Variants in MBTPS1 observed in about 807,000 individuals in gnomAD.
MBTPS1 encodes the protein membrane-bound transcription factor site-1 protease.
MBTPS1 carries 94 observed loss-of-function variants against 127.8 expected under a neutral mutation model. The ratio of observed to expected loss-of-function variants is 0.74; its 90% CI spans 0.62 to 0.87. The LOEUF (loss-of-function observed/expected upper bound fraction) is 0.87, where lower values mean the gene tolerates loss of function less well. Among genes scored for constraint, MBTPS1 ranks in the 40% least tolerant of loss-of-function variants. The pLI is 0.00. For missense variants in MBTPS1, 1,636 were observed against 1,353.2 expected (o/e 1.21, Z -3.28); for synonymous variants, 632 against 509.4 (o/e 1.24, Z -3.24).
At chr16:84,098,284 G>C (rs759418168) in intron 3 of MBTPS1, among the ~76,000 whole-genome samples, 1 of 152,110 alleles carries the variant, frequency 6.6e-6, no homozygotes, top group Non-Finnish European at 1.5e-5. Context: ...AAAACAAAAC[G>C]AAACCCCAGG....
intron 1 of MBTPS1, among the ~76,000 whole-genome samples, chr16:84,104,338 G>C (rs141414638): frequency 6.6e-6 from 1 of 151,960 alleles, no homozygotes; most frequent in Non-Finnish European, 1.5e-5. Flanking sequence ...TTAAAAATTA[G>C]CTAGGCATGG....
chr16:84,076,038 A>G (rs1423838719), intron 11 of MBTPS1, among the ~76,000 whole-genome samples: 1 of 152,228 alleles, frequency 6.6e-6, no homozygotes, highest in Non-Finnish European at 1.5e-5. Flanking sequence ...TAACTAGGAA[A>G]CCATTATTAG....
intron 3 of MBTPS1, among the ~76,000 whole-genome samples, chr16:84,098,753 C>A (rs1161744599): frequency 6.6e-6 from 1 of 152,226 alleles, no homozygotes; most frequent in Non-Finnish European, 1.5e-5. Context: ...TGAGATGAAG[C>A]TGGCGAAAAT....
intron 12 of MBTPS1, 77 bp downstream of exon 12, chr16:84,074,520 A>C: frequency 6.9e-7 from 1 of 1,454,796 alleles, no homozygotes; most frequent in Non-Finnish European, 9.4e-7. Context: ...CTTCAGCAGA[A>C]GTAACTATGG....
intron 11 of MBTPS1, among the ~76,000 whole-genome samples, chr16:84,078,273 C>T (rs1289306848): frequency 2.0e-5 from 3 of 150,370 alleles, no homozygotes; most frequent in African/African-American, 4.9e-5. Context: ...TTACCTGACG[C>T]TCTCAACCCG....
chr16:84,064,872 G>C lies in MBTPS1; in HGVS notation c.2431+818C>G, dbSNP rs1466123666. On this transcript the variant is annotated intron_variant, in intron 18 of 22. Transcript: ENST00000343411. ...AAGTTCTATATTCCAGTTGCAAGTA[G>C]ATAAGGTGAGAAATCCTCTCTTTTC... 4.7e-4 allele frequency among the ~76,000 whole-genome samples: 72 copies of C among 152,206 alleles called. 2 individuals carry two copies. The highest frequency in any genetic ancestry group is 4.6e-3 in the Admixed American group (71 of 15,284).
At chr16:84,087,273 C>A in intron 9 of MBTPS1, 85 bp downstream of exon 9, 1 of 1,027,542 alleles carries the variant, frequency 9.7e-7, no homozygotes, top group South Asian at 1.3e-5. Flanking sequence ...CTTACAAATA[C>A]ACCCCAAGGC....
chr16:84,068,123 G>A (rs1053705825), intron 15 of MBTPS1, among the ~76,000 whole-genome samples: 3 of 152,242 alleles, frequency 2.0e-5, no homozygotes, highest in South Asian at 4.1e-4. Flanking sequence ...GAGTACGAAT[G>A]TCCCTGTCTC....
At position 84,074,348 on chromosome 16, in the gene MBTPS1, C is replaced by T. The variant is rs540716472; in HGVS notation, c.1593+249G>A. 1.3e-4 allele frequency among the ~76,000 whole-genome samples: 20 copies of T among 152,192 alleles called. No homozygotes were observed. In the South Asian group the frequency reaches 3.9e-3, roughly 30 times the overall value. ...CTCCTAGACTCAAGTGATCCTCCCA[C>T]GTCAGCCTCCTGTGTATCTGGGACC... On this transcript the variant is annotated intron_variant, in intron 12 of 22. Coordinates refer to ENST00000343411, the MANE Select transcript of MBTPS1 (RefSeq NM_003791.4).
rs1199615528 is a variant in MBTPS1 at position 84,081,864 on chromosome 16, T to C, written c.1331A>G (p.Gln444Arg). The C allele has an allele frequency of 6.6e-7, 1 of 1,504,026 alleles. No homozygotes were observed. The highest frequency in any genetic ancestry group is 8.9e-7 in the Non-Finnish European group (1 of 1,125,534). 93.2% of individuals were successfully genotyped at this position (1,504,026 alleles called of 1,614,324 possible). ...CCTCCGGGCTGACGCGATCAGGGCC[T>C]GCTTCATACTGGCGGGATTCACCAG... ...RELVNPASMK[Q>R]ALIASARRLP... The change falls in exon 11 of 23, where the codon CAG (glutamine) becomes CGG (arginine). Residue 444 changes from glutamine to arginine, a missense_variant. Gln to Arg is a conservative substitution (Grantham distance 43, BLOSUM62 1). Transcript: ENST00000343411.
At chr16:84,092,878 C>T (rs1216224787) in intron 6 of MBTPS1, among the ~76,000 whole-genome samples, 1 of 152,142 alleles carries the variant, frequency 6.6e-6, no homozygotes, top group African/African-American at 2.4e-5. Context: ...TGCAGACAAC[C>T]GACCCAGGGT....
intron 11 of MBTPS1, 177 bp from the exon 12 acceptor site, chr16:84,074,918 C>T: frequency 1.9e-6 from 1 of 520,384 alleles, no homozygotes; most frequent in Admixed American, 3.5e-5. Flanking sequence ...CAGATAAGGC[C>T]TCTGTGCCAG....
chr16:84,085,277 T>C, intron 9 of MBTPS1, 143 bp from the exon 10 acceptor site: 10 of 855,556 alleles, frequency 1.2e-5, no homozygotes, highest in Non-Finnish European at 3.6e-6. Flanking sequence ...TAGTCTGAAA[T>C]TCACTCCAGG....
intron 18 of MBTPS1, among the ~76,000 whole-genome samples, chr16:84,064,504 C>T (rs1017912760): frequency 6.6e-6 from 1 of 152,100 alleles, no homozygotes; most frequent in African/African-American, 2.4e-5. Flanking sequence ...TAAAATGCCC[C>T]TTTAAAAAAT....
intron 10 of MBTPS1, among the ~76,000 whole-genome samples, chr16:84,083,880 G>T (rs1245141692): frequency 2.6e-5 from 4 of 152,180 alleles, no homozygotes; most frequent in Non-Finnish European, 5.9e-5. Flanking sequence ...TTTTACAACT[G>T]AGAGTAAAGA....
At chr16:84,103,547 C>T (rs977715374) in intron 1 of MBTPS1, among the ~76,000 whole-genome samples, 3 of 152,028 alleles carry the variant, frequency 2.0e-5, no homozygotes, top group African/African-American at 4.8e-5. Flanking sequence ...CCGCCATGTC[C>T]GCCCACTACT....
chr16:84,103,460 A>G (rs1197955452), intron 1 of MBTPS1, among the ~76,000 whole-genome samples: 1 of 151,904 alleles, frequency 6.6e-6, no homozygotes, highest in African/African-American at 2.4e-5. Context: ...CAGTCTCGGC[A>G]TTTTGTCCAG....
At chr16:84,072,590 G>C (rs2085786518) in intron 12 of MBTPS1, among the ~76,000 whole-genome samples, 1 of 152,170 alleles carries the variant, frequency 6.6e-6, no homozygotes, top group South Asian at 2.1e-4. Context: ...AGGAGATCGA[G>C]ACCATCCTGG....
intron 11 of MBTPS1, among the ~76,000 whole-genome samples, chr16:84,076,213 A>G (rs1224025398): frequency 2.0e-5 from 3 of 152,194 alleles, no homozygotes; most frequent in African/African-American, 7.2e-5. Flanking sequence ...AAAACATACA[A>G]AATTCAATCC....
Sources: allele counts gnomAD v4.1 joint callset (sites outside exome capture counted in the v4.1 genomes callset), GRCh38; gene constraint gnomAD v4.1.1; transcripts MANE v1.5; gene names NCBI Gene and HGNC (gene_info 2026-07-23, HGNC 2026-07-21).